The following LSAMP variants were observed in gnomAD, a reference collection of about 807,000 sequenced individuals.
The protein encoded by LSAMP is limbic system-associated membrane protein.
LSAMP carries 7 observed loss-of-function variants against 38.6 expected under a neutral mutation model. The observed-to-expected ratio is 0.18, with a 90% CI of 0.10 to 0.34. LSAMP has a LOEUF of 0.34. Ranked by LOEUF, LSAMP falls within the 10% of genes least tolerant of loss-of-function variation. LSAMP has a pLI of 1.00. For missense variants in LSAMP, 313 were observed against 420.0 expected (o/e 0.75, Z 2.23); for synonymous variants, 154 against 166.8 (o/e 0.92, Z 0.59).
intron 1 of LSAMP, among the ~76,000 whole-genome samples, chr3:116,152,522 C>T (rs567273957): frequency 7.9e-5 from 12 of 152,110 alleles, no homozygotes; most frequent in African/African-American, 2.9e-4. Context: ...CTAAATTGAG[C>T]TTGTATAATT....
intron 3 of LSAMP, among the ~76,000 whole-genome samples, chr3:115,950,995 TG>T (rs1938270067): frequency 6.6e-6 from 1 of 152,084 alleles, no homozygotes; most frequent in Non-Finnish European, 1.5e-5. Flanking sequence ...AACTGACATT[TG>T]ACAAAGCAAA....
At chr3:115,922,167 C>G (rs975473680) in intron 3 of LSAMP, among the ~76,000 whole-genome samples, 2 of 145,310 alleles carry the variant, frequency 1.4e-5, no homozygotes, top group African/African-American at 5.7e-5. Flanking sequence ...TTTTAACAAG[C>G]TTTTTGCTTC....
At chr3:116,153,833 A>C (rs977675705) in intron 1 of LSAMP, among the ~76,000 whole-genome samples, 3 of 152,028 alleles carry the variant, frequency 2.0e-5, no homozygotes, top group African/African-American at 7.2e-5. Flanking sequence ...TAAATAAAAG[A>C]AAGTAGAAAA....
intron 3 of LSAMP, among the ~76,000 whole-genome samples, chr3:115,874,919 A>G (rs984399947): frequency 2.0e-5 from 3 of 152,140 alleles, no homozygotes; most frequent in Non-Finnish European, 4.4e-5. Flanking sequence ...TAAAAAAAAA[A>G]AGAGAATGAA....
chr3:116,096,189 G>A (rs753447076), intron 1 of LSAMP, among the ~76,000 whole-genome samples: 12 of 152,246 alleles, frequency 7.9e-5, no homozygotes, highest in Admixed American at 7.8e-4. Context: ...CAACACAGGA[G>A]TAGTAGGTAC....
intron 3 of LSAMP, among the ~76,000 whole-genome samples, chr3:115,919,762 C>A (rs991460661): frequency 1.3e-5 from 2 of 152,130 alleles, no homozygotes; most frequent in Non-Finnish European, 2.9e-5. Flanking sequence ...CAGGCAGGCA[C>A]CACCATGTCT....
intron 1 of LSAMP, among the ~76,000 whole-genome samples, chr3:116,098,717 C>A (rs1708279098): frequency 6.6e-6 from 1 of 152,032 alleles, no homozygotes; most frequent in Non-Finnish European, 1.5e-5. Context: ...TGTGTAACAC[C>A]CTGTGTGTGT....
chr3:115,945,576 T>C (rs1938068867), intron 3 of LSAMP, among the ~76,000 whole-genome samples: 2 of 152,276 alleles, frequency 1.3e-5, no homozygotes, highest in East Asian at 3.9e-4. Context: ...TCCTGCAATA[T>C]TCTTTTCACT....
At chr3:116,086,747 G>T in intron 1 of LSAMP, among the ~76,000 whole-genome samples, 191 bp from the exon 2 acceptor site, 1 of 152,106 alleles carries the variant, frequency 6.6e-6, no homozygotes, top group East Asian at 1.9e-4. Context: ...CCAGTGGATG[G>T]ATGTCATTAT....
chr3:116,187,520 T>A (rs2107577325), intron 1 of LSAMP, among the ~76,000 whole-genome samples: 1 of 152,280 alleles, frequency 6.6e-6, no homozygotes, highest in Admixed American at 6.5e-5. Flanking sequence ...TTCTATTACC[T>A]CAAAATGTCA....
intron 3 of LSAMP, among the ~76,000 whole-genome samples, chr3:115,905,776 C>G (rs967762895): frequency 6.6e-6 from 1 of 152,094 alleles, no homozygotes; most frequent in African/African-American, 2.4e-5. Flanking sequence ...ACCTACAGTT[C>G]CCAGCGGAAG....
chr3:115,967,505 C>G (rs1938857404), intron 3 of LSAMP, among the ~76,000 whole-genome samples: 1 of 152,168 alleles, frequency 6.6e-6, no homozygotes, highest in Non-Finnish European at 1.5e-5. Flanking sequence ...TACCCAGTTC[C>G]AAAGTCGCTT....
chr3:115,811,654 C>G (rs950517697), intron 6 of LSAMP, among the ~76,000 whole-genome samples: 1 of 151,924 alleles, frequency 6.6e-6, no homozygotes, highest in South Asian at 2.1e-4. Context: ...AAACTGTTTA[C>G]AAACATACCC....
chr3:115,959,285 C>A (rs1344587800), intron 3 of LSAMP, among the ~76,000 whole-genome samples: 1 of 152,046 alleles, frequency 6.6e-6, no homozygotes, highest in Non-Finnish European at 1.5e-5. Flanking sequence ...TCAATGCATT[C>A]AAGGCATAGA....
In LSAMP at chr3:116,229,457, T is replaced by C. The variant is rs2046377236; in HGVS notation, c.156-142901A>G. Among the ~76,000 whole-genome samples, 3 of 152,168 alleles carry C rather than the reference T, an allele frequency of 2.0e-5. No individual in the cohort carries two copies. The South Asian group carries it at 6.2e-4, about 32-fold the overall frequency. On this transcript the variant is annotated intron_variant, in intron 1 of 6. Coordinates refer to ENST00000490035, the MANE Select transcript of LSAMP (RefSeq NM_002338.5). ...CAATTGCCAACATACAAAGCACACA[T>C]TCCAAAATTTCATTTTTAATTCAGT...
intron 1 of LSAMP, among the ~76,000 whole-genome samples, chr3:116,138,402 A>C (rs1709297011): frequency 6.6e-6 from 1 of 152,102 alleles, no homozygotes; most frequent in African/African-American, 2.4e-5. Flanking sequence ...TATTTTAAAT[A>C]TTAGGGAAAT....
chr3:116,258,276 C>A (rs1290007202), intron 1 of LSAMP, among the ~76,000 whole-genome samples: 2 of 151,650 alleles, frequency 1.3e-5, no homozygotes, highest in Non-Finnish European at 2.9e-5. Context: ...CTTTTTTTTA[C>A]CATTTATATC....
At chr3:115,953,404 T>TACACACACAC (rs71616336) in intron 3 of LSAMP, among the ~76,000 whole-genome samples, 4,474 of 143,630 alleles carry the variant, frequency 0.031, 73 homozygotes, top group East Asian at 0.042. Flanking sequence ...GTAGTGTGCG[T>TACACACACAC]ACACACACAC....
At chr3:116,203,396 TA>T (rs2046017263) in intron 1 of LSAMP, among the ~76,000 whole-genome samples, 3 of 152,070 alleles carry the variant, frequency 2.0e-5, no homozygotes, top group South Asian at 2.1e-4. Flanking sequence ...TTTATTTATT[TA>T]TTTTTTATTT....
Sources: allele counts gnomAD v4.1 joint callset (sites outside exome capture counted in the v4.1 genomes callset), GRCh38; gene constraint gnomAD v4.1.1; transcripts MANE v1.5; gene names NCBI Gene and HGNC (gene_info 2026-07-23, HGNC 2026-07-21).